Variants in RYR2 observed in about 807,000 individuals in gnomAD.
RYR2 encodes the protein cardiac muscle ryanodine receptor-calcium release channel.
RYR2 carries 227 observed loss-of-function variants against 601.1 expected under a neutral mutation model. That is an observed-to-expected ratio of 0.38 (90% CI 0.34 to 0.42). The LOEUF (loss-of-function observed/expected upper bound fraction) is 0.42, where lower values mean the gene tolerates loss of function less well. RYR2 is among the 10% of genes least tolerant of loss of function. The probability of loss-of-function intolerance (pLI) is 1.00; values close to 1 mark genes in which losing one functional copy is unlikely to be tolerated. For missense variants in RYR2, 4,646 were observed against 6,156.5 expected, an observed-to-expected ratio of 0.75 and a Z score of 8.21; for synonymous variants, 2,223 against 2,175.1, an observed-to-expected ratio of 1.02 and a Z score of -0.61.
chr1:237,529,016 G>A (rs2618709), intron 24 of RYR2, among the ~76,000 whole-genome samples: 79,945 of 151,758 alleles, frequency 0.53, 21,198 homozygotes, highest in East Asian at 0.6. Context: ...TTACAGCCTT[G>A]TGATTACCTC....
chr1:237,440,205 T>C (rs936212838), intron 12 of RYR2, among the ~76,000 whole-genome samples: 1 of 152,156 alleles, frequency 6.6e-6, no homozygotes, highest in African/African-American at 2.4e-5. Flanking sequence ...ACATGAAAAA[T>C]CTGTTAAACC....
At chr1:237,625,945 G>A in intron 40 of RYR2, 141 bp downstream of exon 40, 1 of 843,298 alleles carries the variant, frequency 1.2e-6, no homozygotes, top group Non-Finnish European at 1.8e-6. Context: ...GTAGATGCCT[G>A]TAGCTCCCAG....
intron 13 of RYR2, 64 bp downstream of exon 13, chr1:237,441,547 C>A: frequency 2.1e-6 from 3 of 1,395,934 alleles, no homozygotes; most frequent in South Asian, 1.9e-5. Flanking sequence ...AAGCACAAGT[C>A]AAAAATAATT....
chr1:237,072,768 G>A (rs564719898), intron 1 of RYR2, among the ~76,000 whole-genome samples: 2 of 151,900 alleles, frequency 1.3e-5, no homozygotes, highest in African/African-American at 2.4e-5. Flanking sequence ...GCAATATTGC[G>A]AAACCCCGAC....
intron 88 of RYR2, among the ~76,000 whole-genome samples, chr1:237,780,043 T>A (rs536102985): frequency 1.7e-4 from 26 of 152,358 alleles, no homozygotes; most frequent in South Asian, 2.1e-4. Flanking sequence ...TTGATTTTTT[T>A]ATCAGCCTGG....
In RYR2 at chr1:237,535,484, TACAC is replaced by T. The variant is rs58146773; in HGVS notation, c.2906+5005_2906+5008del. Among the ~76,000 whole-genome samples the T allele has an allele frequency of 2.5e-3, 363 of 144,504 alleles. 2 individuals carry two copies. Among genetic ancestry groups the T allele is most frequent in the East Asian group, 7.9e-3 (39 of 4,938 alleles). 94.8% of individuals were successfully genotyped at this position (144,504 alleles called of 152,430 possible). On this transcript the variant is annotated intron_variant, in intron 25 of 104. Coordinates refer to ENST00000366574, the MANE Select transcript of RYR2 (RefSeq NM_001035.3). ...TTAAAGGAATTGAATCAAACACACA[TACAC>T]ACACACACACACACACACACACACA...
Position 237,262,245 on chromosome 1 carries a change from G to GTTTTTTTTTTTTTTTTTTTTTTTTTT in RYR2, c.49-8250_49-8225dup, listed in dbSNP as rs386370106. On this transcript the variant is annotated intron_variant, in intron 1 of 104. Coordinates refer to ENST00000366574, the MANE Select transcript of RYR2 (RefSeq NM_001035.3). ...AAATATTAGATCTCTGTTCTAAAGA[G>GTTTTTTTTTTTTTTTTTTTTTTTTTT]TTTTTTTTTTTTTTTTTTTTTTTTT... Among the ~76,000 whole-genome samples the GTTTTTTTTTTTTTTTTTTTTTTTTTT allele has an allele frequency of 3.3e-5, 2 of 61,102 alleles. 1 individual carries two copies. The highest frequency in any genetic ancestry group is 1.2e-4 in the African/African-American group (2 of 16,598). 40.1% of individuals were successfully genotyped at this position (61,102 alleles called of 152,430 possible).
chr1:237,099,419 G>A (rs985015735), intron 1 of RYR2, among the ~76,000 whole-genome samples: 6 of 151,970 alleles, frequency 3.9e-5, no homozygotes, highest in Non-Finnish European at 8.8e-5. Flanking sequence ...TAAATTTTTC[G>A]TAGAGATGAG....
chr1:237,373,458 C>G (rs1031907694), intron 6 of RYR2, among the ~76,000 whole-genome samples: 3 of 152,320 alleles, frequency 2.0e-5, no homozygotes, highest in South Asian at 2.1e-4. Flanking sequence ...TAAGACATTT[C>G]TAGCCTTTGC....
chr1:237,168,571 T>C (rs1347895719), intron 1 of RYR2, among the ~76,000 whole-genome samples: 1 of 152,154 alleles, frequency 6.6e-6, no homozygotes, highest in East Asian at 1.9e-4. Flanking sequence ...GGAATATCCG[T>C]GTTTCCTGAG....
In RYR2 at chr1:237,355,596, T is replaced by C. The variant is rs569864343; in HGVS notation, c.274-369T>C. 5.3e-5 allele frequency among the ~76,000 whole-genome samples: 8 copies of C among 152,302 alleles called. No individual in the cohort carries two copies. In the South Asian group the frequency reaches 6.2e-4, roughly 12 times the overall value. On this transcript the variant is annotated intron_variant, in intron 3 of 104. Transcript: ENST00000366574. ...CACTATGTCTCTAAATTGATCTTTT[T>C]AATTAAATCAGTTTTTATAATTAGA...
intron 29 of RYR2, among the ~76,000 whole-genome samples, chr1:237,573,223 TATACAC>T (rs1194621533): frequency 2.1e-5 from 2 of 94,406 alleles, no homozygotes; most frequent in Non-Finnish European, 4.8e-5. Flanking sequence ...TCTATGGAGA[TATACAC>T]ATACACACAC....
At chr1:237,593,743 G>A (rs1025615909) in intron 33 of RYR2, 107 bp downstream of exon 33, 3 of 1,163,726 alleles carry the variant, frequency 2.6e-6, no homozygotes, top group African/African-American at 3.1e-5. Flanking sequence ...CTATTTATAG[G>A]AAGAATATAA....
intron 80 of RYR2, among the ~76,000 whole-genome samples, chr1:237,749,380 A>G (rs960334591): frequency 1.1e-4 from 16 of 152,280 alleles, no homozygotes; most frequent in African/African-American, 3.1e-4. Context: ...ATTAGTCAAT[A>G]TATATAAGGC....
chr1:237,633,514 C>G, intron 42 of RYR2, 64 bp from the exon 43 acceptor site: 1 of 1,596,364 alleles, frequency 6.3e-7, no homozygotes, highest in Non-Finnish European at 8.6e-7. Flanking sequence ...GAGACCTCAA[C>G]GTATGAACTC....
At chr1:237,119,005 G>A (rs921899925) in intron 1 of RYR2, among the ~76,000 whole-genome samples, 2 of 152,058 alleles carry the variant, frequency 1.3e-5, no homozygotes, top group African/African-American at 4.8e-5. Context: ...CTAATGTGGG[G>A]GGTATGGGCT....
At chr1:237,701,519 ACT>A (rs1687966877) in intron 65 of RYR2, among the ~76,000 whole-genome samples, 2 of 146,240 alleles carry the variant, frequency 1.4e-5, no homozygotes, top group Non-Finnish European at 3.0e-5. Context: ...ACAGAGCAAG[ACT>A]CTATCTCAAA....
intron 1 of RYR2, among the ~76,000 whole-genome samples, chr1:237,103,630 A>G (rs536230473): frequency 1.3e-5 from 2 of 152,262 alleles, no homozygotes; most frequent in South Asian, 2.1e-4. Flanking sequence ...GTGCAATGCC[A>G]TGATCTCGGC....
At chr1:237,148,942 C>T (rs910347556) in intron 1 of RYR2, among the ~76,000 whole-genome samples, 2 of 152,050 alleles carry the variant, frequency 1.3e-5, no homozygotes, top group Admixed American at 6.6e-5. Context: ...CCCCCTACCC[C>T]AAATTTTGTG....
Sources: gnomAD v4.1 joint callset for allele counts (sites outside exome capture counted in the v4.1 genomes callset) on GRCh38, gnomAD v4.1.1 for gene constraint, MANE v1.5 for transcripts, NCBI Gene and HGNC (gene_info 2026-07-23, HGNC 2026-07-21) for gene names.